Variants in GNL3L observed in about 807,000 individuals in gnomAD.
GNL3L encodes the protein guanine nucleotide-binding protein-like 3-like protein.
Under a neutral mutation model 42.9 loss-of-function variants are expected in GNL3L, and 4 were observed. The ratio of observed to expected loss-of-function variants is 0.09; its 90% confidence interval spans 0.05 to 0.21. The LOEUF is 0.21. GNL3L is among the 10% of genes least tolerant of loss of function. The pLI is 1.00. For missense variants in GNL3L, 412 were observed against 481.7 expected (o/e 0.86, Z 1.36); for synonymous variants, 159 against 176.3 (o/e 0.90, Z 0.78).
chrX:54,589,390 C>T (rs1925836674), intron 16 of GNL3L, among the ~76,000 whole-genome samples: 1 of 110,643 alleles, frequency 9.0e-6, no homozygotes, highest in African/African-American at 3.3e-5. Flanking sequence ...CTCCCAATCC[C>T]CCATTACCCT....
the GNL3L span, among the ~76,000 whole-genome samples, chrX:54,634,130 G>C: frequency 8.9e-6 from 1 of 111,815 alleles, no homozygotes; most frequent in African/African-American, 3.3e-5. Flanking sequence ...AGTTCATATA[G>C]CTTCTTGGAT....
intron 13 of GNL3L, among the ~76,000 whole-genome samples, chrX:54,553,856 G>A (rs921912758): frequency 9.0e-6 from 1 of 111,682 alleles, no homozygotes; most frequent in Non-Finnish European, 1.9e-5. Flanking sequence ...TTCCTCTTCT[G>A]TTAAATAGGG....
intron 16 of GNL3L, among the ~76,000 whole-genome samples, chrX:54,573,625 A>T (rs1925591889): frequency 1.8e-5 from 2 of 111,268 alleles, no homozygotes; most frequent in South Asian, 7.6e-4. Flanking sequence ...TGCATTGTCT[A>T]GTGTGCTGTT....
intron 16 of GNL3L, among the ~76,000 whole-genome samples, chrX:54,587,611 C>A (rs1426045092): frequency 1.8e-5 from 2 of 110,659 alleles, no homozygotes; most frequent in Non-Finnish European, 3.8e-5. Flanking sequence ...GAATGTAATT[C>A]CTATACATGT....
In GNL3L at chrX:54,565,421, G is replaced by C. The variant is rs1394576558; in HGVS notation, c.*4819G>C. ...GCTCTACCATTTCACATTCCCATCA[G>C]TATGAAAGTTTCATTTCCACATCCT... On this transcript the variant is annotated 3_prime_UTR_variant, in exon 16 of 16. Transcript: ENST00000360845. Among the ~76,000 whole-genome samples the C allele has an allele frequency of 1.8e-5, 2 of 112,378 alleles. No homozygotes were observed. Among genetic ancestry groups the C allele is most frequent in the Non-Finnish European group, 3.8e-5 (2 of 53,289 alleles).
the GNL3L span, among the ~76,000 whole-genome samples, chrX:54,633,985 A>T: frequency 1.1e-4 from 12 of 112,722 alleles, no homozygotes; most frequent in Non-Finnish European, 1.9e-4. Flanking sequence ...TGCGAAATCA[A>T]CTGTCAGTTG....
chrX:54,556,279 C>T (rs1925092326), intron 14 of GNL3L, among the ~76,000 whole-genome samples: 1 of 110,891 alleles, frequency 9.0e-6, no homozygotes, highest in Non-Finnish European at 1.9e-5. Flanking sequence ...GGGAAGCAGG[C>T]ACCTTCTTCA....
At chrX:54,595,603 T>A (rs751872290) in intron 16 of GNL3L, among the ~76,000 whole-genome samples, 3 of 111,915 alleles carry the variant, frequency 2.7e-5, no homozygotes, top group African/African-American at 6.5e-5. Context: ...TTCTCTGTTA[T>A]CCCTTTGAAT....
At chrX:54,532,296 C>G (rs3747323) in intron 1 of GNL3L, among the ~76,000 whole-genome samples, 16,846 of 109,348 alleles carry the variant, frequency 0.15, 2,152 homozygotes, top group African/African-American at 0.42. Context: ...GACTCCACCC[C>G]GGATGAGGTT....
At chrX:54,629,564 A>G in the GNL3L span, among the ~76,000 whole-genome samples, 3 of 112,114 alleles carry the variant, frequency 2.7e-5, no homozygotes, top group Middle Eastern at 9.3e-3. Flanking sequence ...TATTACATTT[A>G]TTGACTTGTA....
At chrX:54,604,104 A>G (rs1348096944) in intron 16 of GNL3L, among the ~76,000 whole-genome samples, 2 of 111,133 alleles carry the variant, frequency 1.8e-5, no homozygotes, top group Non-Finnish European at 3.8e-5. Flanking sequence ...GTATCACTGC[A>G]CCCCAGCCTG....
intron 2 of GNL3L, among the ~76,000 whole-genome samples, chrX:54,538,264 T>C (rs1924505036): frequency 9.0e-6 from 1 of 111,092 alleles, no homozygotes; most frequent in Admixed American, 9.7e-5. Context: ...CCAACTGATG[T>C]GATTGTGGAG....
rs1052870379 is a variant in GNL3L, at chrX:54,560,626, G to A, written c.*24G>A. 1.2e-5 allele frequency: 11 copies of A among 920,694 alleles called. No homozygotes were observed. The highest frequency in any genetic ancestry group is 4.4e-5 in the Admixed American group (2 of 45,167). 75.9% of individuals were successfully genotyped at this position (920,694 alleles called of 1,213,427 possible). ...AATCGACTGATCTCACTTCCCTTCC[G>A]CTCCAAGCACCAGTTCCGGTGGTAC... On this transcript the variant is annotated 3_prime_UTR_variant, in exon 16 of 16. Transcript: ENST00000360845.
chrX:54,625,289 G>T (rs763091614), downstream of GNL3L, among the ~76,000 whole-genome samples: 334 of 73,537 alleles, frequency 4.5e-3, no homozygotes, highest in Middle Eastern at 0.013. Flanking sequence ...GTTTTGTTTT[G>T]TTTTTTTTTT....
the GNL3L span, among the ~76,000 whole-genome samples, chrX:54,637,469 A>C: frequency 9.0e-6 from 1 of 111,715 alleles, no homozygotes; most frequent in East Asian, 2.8e-4. Context: ...GTGTGCACAC[A>C]TGTGCATGCA....
intron 16 of GNL3L, among the ~76,000 whole-genome samples, chrX:54,582,677 G>A (rs1925732782): frequency 8.9e-6 from 1 of 112,310 alleles, no homozygotes; most frequent in Non-Finnish European, 1.9e-5. Context: ...CTGCCTCCTG[G>A]GTTGAAGCGA....
chrX:54,545,941 T>A (rs1924760354), intron 8 of GNL3L, among the ~76,000 whole-genome samples: 1 of 112,443 alleles, frequency 8.9e-6, no homozygotes, highest in Admixed American at 9.5e-5. Context: ...CTCAAACTGC[T>A]GGGCTCAAGC....
At position 54,564,055 on chromosome X, in the gene GNL3L, C is replaced by G. The variant is rs940049432; in HGVS notation, c.*3453C>G. Among the ~76,000 whole-genome samples the G allele has an allele frequency of 3.6e-5, 4 of 109,800 alleles. No individual in the cohort carries two copies. Among genetic ancestry groups the G allele is most frequent in the African/African-American group, 1.3e-4 (4 of 30,082 alleles). On this transcript the variant is annotated 3_prime_UTR_variant, in exon 16 of 16. Coordinates refer to ENST00000360845, the MANE Select transcript of GNL3L (RefSeq NM_001184819.2). Reference sequence around the variant, plus strand: ...AAAACTCTCCAGGCCCTTTTGTAGTCAACTCCTACCCCCGACCCTCAGATT... The same window carrying G: ...AAAACTCTCCAGGCCCTTTTGTAGTGAACTCCTACCCCCGACCCTCAGATT...
At chrX:54,624,438 C>CTTTTTTTTTTTTTTTTT (rs761943977), downstream of GNL3L, among the ~76,000 whole-genome samples, 6 of 82,475 alleles carry the variant, frequency 7.3e-5, no homozygotes, top group Non-Finnish European at 1.1e-4. Flanking sequence ...TTTTCTTTTT[C>CTTTTTTTTTTTTTTTTT]TTTTTTTTTT....
Sources: allele counts gnomAD v4.1 joint callset (sites outside exome capture counted in the v4.1 genomes callset), GRCh38; gene constraint gnomAD v4.1.1; transcripts MANE v1.5; gene names NCBI Gene and HGNC (gene_info 2026-07-23, HGNC 2026-07-21).